Variants in RBM48 observed in about 807,000 individuals in gnomAD.
RBM48 encodes RNA binding motif protein 48, also known as RNA-binding protein 48.
In RBM48, 32 loss-of-function variants were observed where a neutral mutation model predicts 34.8. That is an observed-to-expected ratio of 0.92 (90% CI 0.69 to 1.23). RBM48 has a LOEUF of 1.23. RBM48 is among the 50% of genes most tolerant of loss of function. The pLI is 0.00. For synonymous variants in RBM48, 151 were observed against 156.2 expected (o/e 0.97, Z 0.25); for missense variants, 441 against 447.2 (o/e 0.99, Z 0.12).
intron 2 of RBM48, among the ~76,000 whole-genome samples, chr7:92,531,343 C>A (rs899393624): frequency 6.6e-6 from 1 of 152,146 alleles, no homozygotes; most frequent in Non-Finnish European, 1.5e-5. Flanking sequence ...TCAGTTTTTT[C>A]CAGCCTTCTA....
intron 2 of RBM48, among the ~76,000 whole-genome samples, chr7:92,530,199 A>G (rs1185269618): frequency 2.1e-5 from 3 of 143,164 alleles, no homozygotes; most frequent in Non-Finnish European, 4.5e-5. Flanking sequence ...AAAAAAAAAA[A>G]TTTGGGTTTG....
At position 92,534,746 on chromosome 7, in the gene RBM48, A is replaced by G. The variant is rs1793664571; in HGVS notation, c.793A>G (p.Ile265Val). ...GGCCTGCCCTGGTGCACAAAAGGCT[A>G]TTACGTCTTCAGAGGCAGTTGACAG... ...SVACPGAQKA[I>V]TSSEAVDRFM... is the part of the protein sequence containing the mutation. The change falls in exon 4 of 5, where the codon ATT (isoleucine) becomes GTT (valine). Residue 265 changes from isoleucine to valine, a missense_variant. By Grantham distance (29) the Ile-to-Val change is conservative. Coordinates refer to ENST00000265732, the MANE Select transcript of RBM48 (RefSeq NM_032120.4). The G allele has an allele frequency of 3.1e-6, 5 of 1,614,202 alleles. No individual in the cohort carries two copies. Among genetic ancestry groups the G allele is most frequent in the East Asian group, 4.5e-5 (2 of 44,886 alleles).
chr7:92,533,050 A>G (rs184954519), intron 3 of RBM48, among the ~76,000 whole-genome samples: 1 of 152,372 alleles, frequency 6.6e-6, no homozygotes, highest in East Asian at 1.9e-4. Context: ...GTCAAATCAT[A>G]TAGTTGTCAC....
chr7:92,535,563 T>C (rs1007376691), intron 4 of RBM48: 2 of 985,622 alleles, frequency 2.0e-6, no homozygotes, highest in Non-Finnish European at 2.4e-6. Context: ...TAAGCACAAA[T>C]GAAGTTAACA....
At chr7:92,529,449 C>A in intron 1 of RBM48, 27 bp from the exon 2 acceptor site, 1 of 1,423,800 alleles carries the variant, frequency 7.0e-7, no homozygotes, top group Non-Finnish European at 9.7e-7. Flanking sequence ...TTGCGAAATA[C>A]GTTTAATAAC....
chr7:92,529,029 A>G (rs1034028353), intron 1 of RBM48, 105 bp downstream of exon 1: 2 of 842,948 alleles, frequency 2.4e-6, no homozygotes, highest in East Asian at 2.7e-5. Flanking sequence ...CTTCCGTCAG[A>G]TCTGTCTCTC....
At position 92,540,397 on chromosome 7, in the gene RBM48, C is replaced by G. The variant is rs1352578404; in HGVS notation, c.*3460C>G. On this transcript the variant is annotated 3_prime_UTR_variant, in exon 5 of 5. Transcript: ENST00000265732. ...TTAGGAAGATGTTTCTTGGTAAATA[C>G]TAGTTTTAAATTTTGCATGGCAAAT... 1 of 152,216 alleles carries G rather than the reference C, an allele frequency of 6.6e-6. No homozygotes were observed. Among genetic ancestry groups the G allele is most frequent in the African/African-American group, 2.4e-5 (1 of 41,462 alleles). The allele number at this position is 152,216 out of a possible 1,614,324, so 9.4% of individuals were successfully genotyped here.
rs1260402618 is a variant in RBM48, at chr7:92,539,413, GTTA to G, written c.*2482_*2484del. Reference sequence around the variant, plus strand: ...GCTAATTTACAAAATTTCCATATAGGTTATTATTTTGGGCACAGTGGCTCATGC... The same window carrying G: ...GCTAATTTACAAAATTTCCATATAGGTTATTTTGGGCACAGTGGCTCATGC... On this transcript the variant is annotated 3_prime_UTR_variant, in exon 5 of 5. Coordinates refer to ENST00000265732, the MANE Select transcript of RBM48 (RefSeq NM_032120.4). 3.3e-5 allele frequency among the ~76,000 whole-genome samples: 5 copies of G among 152,264 alleles called. No homozygotes were observed. Among genetic ancestry groups the G allele is most frequent in the Non-Finnish European group, 4.4e-5 (3 of 68,004 alleles).
At chr7:92,533,385 A>G (rs1295438621) in intron 3 of RBM48, among the ~76,000 whole-genome samples, 1 of 152,218 alleles carries the variant, frequency 6.6e-6, no homozygotes, top group Non-Finnish European at 1.5e-5. Context: ...AGTCTCAGAA[A>G]GTTTGTGACC....
In RBM48 at chr7:92,539,455, A is replaced by T. The variant is rs1054033808; in HGVS notation, c.*2518A>T. ...AGTGGCTCATGCCTATAATCCCAGC[A>T]CTTTGGGAGGCCAAGGTGGGAGGAT... is the stretch of plus-strand genomic sequence containing the variant. On this transcript the variant is annotated 3_prime_UTR_variant, in exon 5 of 5. Coordinates refer to ENST00000265732, the MANE Select transcript of RBM48 (RefSeq NM_032120.4). Among the ~76,000 whole-genome samples, 2 of 152,214 alleles carry T rather than the reference A, an allele frequency of 1.3e-5. No individual in the cohort carries two copies. Among genetic ancestry groups the T allele is most frequent in the Non-Finnish European group, 2.9e-5 (2 of 68,036 alleles).
At position 92,539,981 on chromosome 7, in the gene RBM48, A is replaced by G. The variant is rs184689705; in HGVS notation, c.*3044A>G. Among the ~76,000 whole-genome samples, 6 of 152,376 alleles carry G rather than the reference A, an allele frequency of 3.9e-5. No homozygotes were observed. The highest frequency in any genetic ancestry group is 3.9e-4 in the Admixed American group (6 of 15,308). The stretch of plus-strand genomic sequence containing the variant: ...AGTGTTCTATCCCTTAAGCAAGCCA[A>G]TATACCCTGGATTTGGTTTGGGAAA... On this transcript the variant is annotated 3_prime_UTR_variant, in exon 5 of 5. Coordinates refer to ENST00000265732, the MANE Select transcript of RBM48 (RefSeq NM_032120.4).
At position 92,534,582 on chromosome 7, in the gene RBM48, G is replaced by A. The variant is rs1585277640; in HGVS notation, c.629G>A (p.Cys210Tyr). The stretch of plus-strand genomic sequence containing the variant: ...CCTTTATGTTATTTCTCCTCAAAAT[G>A]TATGTGTTCATCCGGGGGACCTGTA... Reference protein sequence around the residue: ...ELPLCYFSSKCMCSSGGPVDR... With the variant: ...ELPLCYFSSKYMCSSGGPVDR... Residue 210 changes from cysteine to tyrosine, a missense_variant, in exon 4 of 5, where the codon TGT becomes TAT. By Grantham distance (194) the Cys-to-Tyr change is radical. Transcript: ENST00000265732. 3.7e-6 allele frequency: 6 copies of A among 1,614,006 alleles called. No homozygotes were observed. The East Asian group carries it at 1.3e-4, about 36-fold the overall frequency.
chr7:92,529,529 T>C lies in RBM48; in HGVS notation c.165T>C (p.Ala55=). 6.2e-7 allele frequency: 1 copy of C among 1,611,590 alleles called. No individual in the cohort carries two copies. The highest frequency in any genetic ancestry group is 8.5e-7 in the Non-Finnish European group (1 of 1,177,808). ...ACTTATTAATACAAGGAGTTCCTGC[T>C]GTGGGAGTCATGAAGGAATTAGTTG... ...SQYLLIQGVP[A]VGVMKELVER... is the part of the protein sequence containing the mutation. Residue 55 remains alanine, a synonymous_variant, in exon 2 of 5, where the codon GCT becomes GCC. Coordinates refer to ENST00000265732, the MANE Select transcript of RBM48 (RefSeq NM_032120.4).
chr7:92,530,256 G>A (rs1365768912), intron 2 of RBM48, among the ~76,000 whole-genome samples: 2 of 151,666 alleles, frequency 1.3e-5, no homozygotes, highest in Non-Finnish European at 2.9e-5. Context: ...CACTTTGGGA[G>A]ACCGAGGCAG....
chr7:92,534,596 G>T lies in RBM48; in HGVS notation c.643G>T (p.Gly215Trp), dbSNP rs370287786. The T allele has an allele frequency of 2.5e-6, 4 of 1,613,892 alleles. No homozygotes were observed. The East Asian group carries it at 8.9e-5, about 36-fold the overall frequency. ...YFSSKCMCSS[G>W]GPVDRAPDSS... ...CTCCTCAAAATGTATGTGTTCATCC[G>T]GGGGACCTGTAGACAGAGCACCAGA... The change falls in exon 4 of 5, where the codon GGG becomes TGG. Residue 215 changes from glycine (G) to tryptophan (W), a missense_variant. Gly to Trp is a radical substitution (Grantham distance 184). Transcript: ENST00000265732.
chr7:92,529,735 C>T (rs1793501499), intron 2 of RBM48, 69 bp downstream of exon 2: 1 of 1,007,230 alleles, frequency 9.9e-7, no homozygotes. Context: ...ATTTTGGCCC[C>T]AAGTTTCCCT....
chr7:92,536,763 T>C lies in RBM48; in HGVS notation c.1018-88T>C, dbSNP rs1485531547. ...GAAAGTGACATCAAGGATTGAACTA[T>C]TGGATGTAGTCTTACCTCTTCTAAT... On this transcript the variant is annotated intron_variant, in intron 4 of 4. Transcript: ENST00000265732. 2.1e-6 allele frequency: 3 copies of C among 1,444,916 alleles called. No homozygotes were observed. In the African/African-American group the frequency reaches 4.4e-5, roughly 21 times the overall value. The allele number at this position is 1,444,916 out of a possible 1,614,324, so 89.5% of individuals were successfully genotyped here.
chr7:92,536,225 C>A (rs1346654633), intron 4 of RBM48: 3 of 984,550 alleles, frequency 3.0e-6, no homozygotes, highest in Non-Finnish European at 3.6e-6. Context: ...CCTGTCTCAA[C>A]CAGAGCTGAT....
At chr7:92,535,349 A>G in intron 4 of RBM48, 2 of 1,125,658 alleles carry the variant, frequency 1.8e-6, no homozygotes, top group Non-Finnish European at 2.2e-6. Flanking sequence ...TCTCAAATTT[A>G]GAGTTATTAC....
Sources: gnomAD v4.1 joint callset for allele counts (sites outside exome capture counted in the v4.1 genomes callset) on GRCh38, gnomAD v4.1.1 for gene constraint, MANE v1.5 for transcripts, NCBI Gene and HGNC (gene_info 2026-07-23, HGNC 2026-07-21) for gene names.